The following FMN1 variants were observed in gnomAD, a reference collection of about 807,000 sequenced individuals.
The protein encoded by FMN1 is formin 1, also known as formin-1.
In FMN1, 110 loss-of-function variants were observed where a neutral mutation model predicts 132.4. The ratio of observed to expected loss-of-function variants is 0.83; its 90% CI spans 0.71 to 0.97. The LOEUF (loss-of-function observed/expected upper bound fraction) is 0.97. FMN1 is among the 50% of genes least tolerant of loss of function. The probability of loss-of-function intolerance (pLI) is 0.00; values close to 1 mark genes in which losing one functional copy is unlikely to be tolerated. For missense variants in FMN1, 1,792 were observed against 1,705.3 expected (o/e 1.05, Z -0.90); for synonymous variants, 722 against 651.7 (o/e 1.11, Z -1.64).
chr15:33,162,799 A>G (rs533338657), intron 3 of FMN1, among the ~76,000 whole-genome samples: 11 of 152,190 alleles, frequency 7.2e-5, no homozygotes, highest in Non-Finnish European at 1.6e-4. Flanking sequence ...CAAATTCTGC[A>G]AAGAGGTCAA....
At chr15:32,796,929 C>T (rs978319385) in intron 19 of FMN1, among the ~76,000 whole-genome samples, 2 of 152,136 alleles carry the variant, frequency 1.3e-5, no homozygotes, top group African/African-American at 4.8e-5. Flanking sequence ...CAGAGCATGG[C>T]TGGAATGAAG....
At position 33,113,070 on chromosome 15, in the gene FMN1, C is replaced by T. The variant is rs570188117; in HGVS notation, c.1868-24096G>A. Among the ~76,000 whole-genome samples, 5 of 152,324 alleles carry T rather than the reference C, an allele frequency of 3.3e-5. No individual in the cohort carries two copies. In the South Asian group the frequency reaches 1.0e-3, roughly 32 times the overall value. ...GAACAAAATACTTATATCTAAAGTA[C>T]AACCAAAGTGTTTAACACCCCCAAG... is the stretch of plus-strand genomic sequence containing the variant. On this transcript the variant is annotated intron_variant, in intron 4 of 20. Transcript: ENST00000616417.
At chr15:32,801,812 A>G (rs2057492019) in intron 18 of FMN1, among the ~76,000 whole-genome samples, 1 of 152,092 alleles carries the variant, frequency 6.6e-6, no homozygotes, top group Admixed American at 6.5e-5. Flanking sequence ...AAACAAACAA[A>G]CAAAACCAGT....
chr15:32,889,945 C>T (rs1054025898), intron 15 of FMN1, among the ~76,000 whole-genome samples: 6 of 152,202 alleles, frequency 3.9e-5, no homozygotes, highest in Non-Finnish European at 7.3e-5. Flanking sequence ...TCCCCAAGTT[C>T]CCACAGTCCA....
At chr15:32,997,934 T>C (rs536126865) in intron 7 of FMN1, among the ~76,000 whole-genome samples, 1 of 152,340 alleles carries the variant, frequency 6.6e-6, no homozygotes, top group Admixed American at 6.5e-5. Flanking sequence ...CAAGGAATTC[T>C]GCTTTGTATT....
intron 5 of FMN1, among the ~76,000 whole-genome samples, chr15:33,076,753 A>G (rs540203204): frequency 6.6e-5 from 10 of 152,322 alleles, no homozygotes; most frequent in African/African-American, 2.4e-4. Context: ...TTTCATGACA[A>G]TAAATAAAAA....
chr15:33,126,889 T>C (rs1396614795), intron 4 of FMN1, among the ~76,000 whole-genome samples: 1 of 152,170 alleles, frequency 6.6e-6, no homozygotes. Flanking sequence ...ACTGTGGCTG[T>C]ATAACTGCAA....
chr15:33,176,504 TC>T (rs11347637), intron 3 of FMN1, among the ~76,000 whole-genome samples: 73,373 of 94,846 alleles, frequency 0.77, 26,781 homozygotes, highest in South Asian at 0.86. Flanking sequence ...AGACCCTGTC[TC>T]CAAAAAAAAA....
chr15:33,076,929 T>C lies in FMN1; in HGVS notation c.2044-11855A>G, dbSNP rs546084687. On this transcript the variant is annotated intron_variant, in intron 5 of 20. Coordinates refer to ENST00000616417, the MANE Select transcript of FMN1 (RefSeq NM_001277313.2). ...ATCAGCAATGATTCTTTGATCCTAA[T>C]ACCCACATGATTAATTCAGACATTT... Among the ~76,000 whole-genome samples the C allele has an allele frequency of 7.9e-5, 12 of 152,300 alleles. No individual in the cohort carries two copies. In the South Asian group the frequency reaches 2.3e-3, roughly 29 times the overall value.
chr15:33,078,446 A>G (rs1030181517), intron 5 of FMN1, among the ~76,000 whole-genome samples: 20 of 152,238 alleles, frequency 1.3e-4, no homozygotes, highest in African/African-American at 4.8e-4. Flanking sequence ...CAATACTTTA[A>G]AAAGCCTCAT....
rs567813736 is a variant in FMN1, at chr15:32,996,184, A to T, written c.2223+11830T>A. On this transcript the variant is annotated intron_variant, in intron 7 of 20. Coordinates refer to ENST00000616417, the MANE Select transcript of FMN1 (RefSeq NM_001277313.2). ...TAATCAGTCAAAATGACCAAGTTACAACATTGTCACACCCACTTTAAAGGT... is the reference window on the plus strand; with the variant it reads ...TAATCAGTCAAAATGACCAAGTTACTACATTGTCACACCCACTTTAAAGGT... Among the ~76,000 whole-genome samples, 33 of 152,346 alleles carry T rather than the reference A, an allele frequency of 2.2e-4. No individual in the cohort carries two copies. The East Asian group carries it at 4.4e-3, about 20-fold the overall frequency.
intron 16 of FMN1, among the ~76,000 whole-genome samples, chr15:32,867,193 C>G (rs1212326328): frequency 6.6e-6 from 1 of 152,192 alleles, no homozygotes; most frequent in Non-Finnish European, 1.5e-5. Flanking sequence ...TTCTCCATAC[C>G]TGAGTCAAAG....
intron 9 of FMN1, among the ~76,000 whole-genome samples, chr15:32,950,046 T>TACACATAC (rs1187208236): frequency 1.4e-4 from 1 of 7,154 alleles, no homozygotes; most frequent in African/African-American, 3.1e-4. Context: ...CATATATATA[T>TACACATAC]ATATACACAT....
chr15:33,066,946 A>C, intron 5 of FMN1: 1 of 1,613,946 alleles, frequency 6.2e-7, no homozygotes, highest in Non-Finnish European at 8.5e-7. Context: ...ACTTCTGCAC[A>C]GGCTGCGTCA....
intron 4 of FMN1, among the ~76,000 whole-genome samples, chr15:33,128,664 T>G (rs1040481182): frequency 2.0e-5 from 3 of 152,158 alleles, no homozygotes; most frequent in African/African-American, 7.2e-5. Context: ...GATGCTCCGG[T>G]GAGTTTGTAG....
At position 33,107,160 on chromosome 15, in the gene FMN1, C is replaced by G. The variant is rs534239848; in HGVS notation, c.1868-18186G>C. Among the ~76,000 whole-genome samples, 9 of 152,136 alleles carry G rather than the reference C, an allele frequency of 5.9e-5. No homozygotes were observed. The South Asian group carries it at 1.9e-3, about 31-fold the overall frequency. On this transcript the variant is annotated intron_variant, in intron 4 of 20. Coordinates refer to ENST00000616417, the MANE Select transcript of FMN1 (RefSeq NM_001277313.2). ...TTGAGTCCTCTCTTTCCCTCACATT[C>G]TGCCTAAATTTTATAAGCAAGACCT...
chr15:33,035,111 T>G (rs1202466129), intron 6 of FMN1, among the ~76,000 whole-genome samples: 1 of 152,242 alleles, frequency 6.6e-6, no homozygotes, highest in Non-Finnish European at 1.5e-5. Flanking sequence ...TGTCAACATA[T>G]TTTTAATTGT....
At chr15:33,107,254 C>T (rs1445555068) in intron 4 of FMN1, among the ~76,000 whole-genome samples, 1 of 152,016 alleles carries the variant, frequency 6.6e-6, no homozygotes, top group African/African-American at 2.4e-5. Context: ...TCAGTCTACG[C>T]CACTACCTCT....
chr15:32,986,632 T>C (rs1040459595), intron 7 of FMN1, among the ~76,000 whole-genome samples: 3 of 152,040 alleles, frequency 2.0e-5, no homozygotes, highest in Admixed American at 1.3e-4. Flanking sequence ...TGGCAGAACA[T>C]TTGTTCTGAT....
Sources: gnomAD v4.1 joint callset for allele counts (sites outside exome capture counted in the v4.1 genomes callset) on GRCh38, gnomAD v4.1.1 for gene constraint, MANE v1.5 for transcripts, NCBI Gene and HGNC (gene_info 2026-07-23, HGNC 2026-07-21) for gene names.